Variants in ZNF224 observed in about 807,000 individuals in gnomAD.
ZNF224 encodes bone marrow zinc finger 2.
In ZNF224, 8 loss-of-function variants were observed where a neutral mutation model predicts 10.5. The observed-to-expected ratio is 0.76, with a 90% CI of 0.45 to 1.37. The LOEUF is 1.37. ZNF224 is among the 40% of genes most tolerant of loss of function. The pLI is 0.00. For missense variants in ZNF224, 754 were observed against 854.0 expected, an observed-to-expected ratio of 0.88 and a Z score of 1.46; for synonymous variants, 282 against 287.8, an observed-to-expected ratio of 0.98 and a Z score of 0.20.
At chr19:44,102,121 T>C (rs1195411144) in intron 5 of ZNF224, among the ~76,000 whole-genome samples, 1 of 152,232 alleles carries the variant, frequency 6.6e-6, no homozygotes, top group African/African-American at 2.4e-5. Context: ...ACCATTATTC[T>C]GTCTCTACAG....
rs1422902236 is a variant in ZNF224, at chr19:44,106,547, T to C, written c.387T>C (p.Asp129=). ...GCTCTCAGTTCTCCAAAGAAGGTGA[T>C]TTCCCCTGCCAGACTGAGGCAGGAC... ...INSSQFSKEG[D]FPCQTEAGLS... is the part of the protein sequence containing the mutation. Residue 129 remains aspartate, a synonymous_variant, in exon 6 of 6, where the codon GAT becomes GAC. Coordinates refer to ENST00000693561, the MANE Select transcript of ZNF224 (RefSeq NM_001321645.3). 6.2e-7 allele frequency: 1 copy of C among 1,614,044 alleles called. No individual in the cohort carries two copies. Among genetic ancestry groups the C allele is most frequent in the African/African-American group, 1.3e-5 (1 of 74,936 alleles).
chr19:44,094,545 G>C lies in ZNF224; in HGVS notation c.-158+15G>C, dbSNP rs946379994. ...GGAGAGTAGAGGTTTGGAGGGGCAA[G>C]GGCCGCTGTTTGCGTTCTCGTCCGT... On this transcript the variant is annotated intron_variant, in intron 1 of 5. Transcript: ENST00000693561. 1 of 152,624 alleles carries C rather than the reference G, an allele frequency of 6.6e-6. No homozygotes were observed. 9.5% of individuals were successfully genotyped at this position (152,624 alleles called of 1,614,324 possible). A position where few individuals can be genotyped will look rare whatever the true frequency, so the allele number is the denominator to read the frequency against.
At position 44,106,743 on chromosome 19, in the gene ZNF224, C is replaced by T. The variant is rs1568531843; in HGVS notation, c.583C>T (p.Gln195Ter). The T allele has an allele frequency of 1.9e-6, 3 of 1,611,656 alleles. No individual in the cohort carries two copies. Among genetic ancestry groups the T allele is most frequent in the African/African-American group, 1.3e-5 (1 of 74,994 alleles). ...FCYISALRIHQRVHMGEKCYK... is the reference protein window; with the variant it reads ...FCYISALRIH ...TTACATCTCAGCCCTTCGTATTCAT[C>T]AGAGAGTCCACATGGGAGAGAAATG... The change falls in exon 6 of 6, where the codon CAG becomes TAG. Residue 195 changes from glutamine to a stop codon, truncating the protein, a stop_gained. Coordinates refer to ENST00000693561, the MANE Select transcript of ZNF224 (RefSeq NM_001321645.3). LOFTEE classifies it low-confidence loss of function (END_TRUNC).
At chr19:44,103,958 T>C (rs576220991) in intron 5 of ZNF224, among the ~76,000 whole-genome samples, 1 of 152,206 alleles carries the variant, frequency 6.6e-6, no homozygotes, top group Non-Finnish European at 1.5e-5. Context: ...CTCAAAGTGC[T>C]GAGATTACAG....
At chr19:44,104,787 G>A (rs200483280) in intron 5 of ZNF224, among the ~76,000 whole-genome samples, 306 of 152,004 alleles carry the variant, frequency 2.0e-3, no homozygotes, top group African/African-American at 7.1e-3. Flanking sequence ...TCAGCCTCCC[G>A]AGTAGCTGGG....
In ZNF224 at chr19:44,106,935, C is replaced by A. The variant is rs756161212; in HGVS notation, c.775C>A (p.Pro259Thr). The A allele has an allele frequency of 1.2e-6, 2 of 1,609,340 alleles. No homozygotes were observed. Among genetic ancestry groups the A allele is most frequent in the African/African-American group, 1.3e-5 (1 of 74,942 alleles). Residue 259 changes from proline to threonine, a missense_variant, in exon 6 of 6, where the codon CCT becomes ACT. Physicochemically the swap from Pro to Thr is conservative, Grantham distance 38 (BLOSUM62 -1). Coordinates refer to ENST00000693561, the MANE Select transcript of ZNF224 (RefSeq NM_001321645.3). ...VHHKLHTGEK[P>T]YNCEECGKAF... ...TCATAAATTACACACAGGAGAGAAA[C>A]CTTATAATTGTGAGGAATGCGGGAA... is the stretch of plus-strand genomic sequence containing the variant.
At chr19:44,095,750 C>T (rs2147521279) in intron 1 of ZNF224, 1 of 152,134 alleles carries the variant, frequency 6.6e-6, no homozygotes, top group South Asian at 2.1e-4. Flanking sequence ...GAAACCGCAT[C>T]TCTACTAAAA....
Position 44,098,064 on chromosome 19 carries a change from G to A in ZNF224, c.15+176G>A, listed in dbSNP as rs184070835. 1.3e-4 allele frequency among the ~76,000 whole-genome samples: 20 copies of A among 152,162 alleles called. 1 individual carries two copies. In the East Asian group the frequency reaches 3.5e-3, roughly 26 times the overall value. On this transcript the variant is annotated intron_variant, in intron 3 of 5. Coordinates refer to ENST00000693561, the MANE Select transcript of ZNF224 (RefSeq NM_001321645.3). Reference sequence around the variant, plus strand: ...GATTTTGCATTTGTTTTTACTACTTGTTTTCTTCTATCATTTATTCTATGG... The same window carrying A: ...GATTTTGCATTTGTTTTTACTACTTATTTTCTTCTATCATTTATTCTATGG...
chr19:44,097,662 T>G, intron 2 of ZNF224, 144 bp from the exon 3 acceptor site: 3 of 531,850 alleles, frequency 5.6e-6, no homozygotes, highest in Non-Finnish European at 6.7e-6. Context: ...CAGGAGGGCA[T>G]TTTGGTTGTG....
Position 44,101,171 on chromosome 19 carries a change from A to T in ZNF224, c.181A>T (p.Arg61Trp). The change falls in exon 5 of 6, where the codon AGG becomes TGG. Residue 61 changes from arginine to tryptophan, a missense_variant. Arg to Trp is a moderately radical substitution (Grantham distance 101, BLOSUM62 -3). Coordinates refer to ENST00000693561, the MANE Select transcript of ZNF224 (RefSeq NM_001321645.3). ...CCACAGGGATACTTTCCACTTCCTA[A>T]GGGAAGAAAAGATTTGGATGATGAA... ...AFHRDTFHFLREEKIWMMKTA... is the reference protein window; with the variant it reads ...AFHRDTFHFLWEEKIWMMKTA... 6.2e-7 allele frequency: 1 copy of T among 1,614,164 alleles called. No homozygotes were observed. The highest frequency in any genetic ancestry group is 1.1e-5 in the South Asian group (1 of 91,080).
chr19:44,104,293 A>T (rs1333240895), intron 5 of ZNF224, among the ~76,000 whole-genome samples: 2 of 151,666 alleles, frequency 1.3e-5, no homozygotes, highest in African/African-American at 4.9e-5. Flanking sequence ...AGATATAAAC[A>T]CTCCTAGGCC....
intron 1 of ZNF224, 143 bp from the exon 2 acceptor site, chr19:44,096,200 T>C (rs1967433245): frequency 6.6e-6 from 1 of 152,226 alleles, no homozygotes; most frequent in East Asian, 1.9e-4. Context: ...GACTGTTTCC[T>C]AAAATTATAA....
Position 44,106,599 on chromosome 19 carries a change from TCTTC to T in ZNF224, c.441_444del (p.Ser148ArgfsTer188). On this transcript the variant is annotated frameshift_variant, in exon 6 of 6. Transcript: ENST00000693561. LOFTEE classifies it low-confidence loss of function (END_TRUNC). The stretch of plus-strand genomic sequence containing the variant: ...ATCTGTAATTCACACAAGACAGAAA[TCTTC>T]CCAGGGCAATGGATATAAACCATCC... 6.2e-7 allele frequency: 1 copy of T among 1,608,828 alleles called. No homozygotes were observed.
At chr19:44,101,073 T>C (rs891290705) in intron 4 of ZNF224, 60 bp from the exon 5 acceptor site, 12 of 1,611,184 alleles carry the variant, frequency 7.4e-6, no homozygotes, top group South Asian at 1.1e-5. Flanking sequence ...TCTGGTAAAC[T>C]TTACCTTGAT....
At chr19:44,104,704 C>T (rs1404103250) in intron 5 of ZNF224, among the ~76,000 whole-genome samples, 5 of 151,778 alleles carry the variant, frequency 3.3e-5, no homozygotes, top group Non-Finnish European at 7.4e-5. Flanking sequence ...CTCTGTCACC[C>T]AGGCTGGAGT....
Position 44,108,494 on chromosome 19 carries a change from T to G in ZNF224, c.*210T>G, listed in dbSNP as rs545122761. The G allele has an allele frequency of 5.2e-6, 3 of 577,664 alleles. No individual in the cohort carries two copies. The highest frequency in any genetic ancestry group is 4.2e-5 in the South Asian group (2 of 48,168). 35.8% of individuals were successfully genotyped at this position (577,664 alleles called of 1,614,324 possible). A position where few individuals can be genotyped will look rare whatever the true frequency, so the allele number is the denominator to read the frequency against. On this transcript the variant is annotated 3_prime_UTR_variant, in exon 6 of 6. Transcript: ENST00000693561. Reference sequence around the variant, plus strand: ...TAAGATAACATCAGTGCTTCAGCCATAGCTCAGCATGCCCCAGTAGTCTCA... The same window carrying G: ...TAAGATAACATCAGTGCTTCAGCCAGAGCTCAGCATGCCCCAGTAGTCTCA...
chr19:44,100,749 T>A, intron 3 of ZNF224, 52 bp from the exon 4 acceptor site: 10 of 1,584,448 alleles, frequency 6.3e-6, no homozygotes, highest in Non-Finnish European at 6.9e-6. Context: ...GCCACCCCTC[T>A]CCCAGGAATC....
At chr19:44,095,062 G>A (rs1967411690) in intron 1 of ZNF224, 1 of 219,066 alleles carries the variant, frequency 4.6e-6, no homozygotes, top group Non-Finnish European at 9.8e-6. Flanking sequence ...GGACGGCGAC[G>A]CGGTCAAGGT....
Position 44,108,177 on chromosome 19 carries a change from G to C in ZNF224, c.2017G>C (p.Val673Leu), listed in dbSNP as rs768760884. 8.7e-6 allele frequency: 14 copies of C among 1,614,062 alleles called. No individual in the cohort carries two copies. Among genetic ancestry groups the C allele is most frequent in the Non-Finnish European group, 8.5e-7 (1 of 1,179,994 alleles). ...RRLNLDMHQR[V>L]HMGEKTWKCR... Reference sequence around the variant, plus strand: ...CTTGAATCTTGATATGCATCAGAGGGTCCACATGGGAGAGAAAACATGGAA... The same window carrying C: ...CTTGAATCTTGATATGCATCAGAGGCTCCACATGGGAGAGAAAACATGGAA... Residue 673 changes from valine to leucine, a missense_variant, in exon 6 of 6, where the codon GTC becomes CTC. Physicochemically the swap from Val to Leu is conservative, Grantham distance 32. Coordinates refer to ENST00000693561, the MANE Select transcript of ZNF224 (RefSeq NM_001321645.3).
Sources: allele counts gnomAD v4.1 joint callset (sites outside exome capture counted in the v4.1 genomes callset), GRCh38; gene constraint gnomAD v4.1.1; transcripts MANE v1.5; gene names NCBI Gene and HGNC (gene_info 2026-07-23, HGNC 2026-07-21).